The following ZNRF3 variants were observed in gnomAD, a reference collection of about 807,000 sequenced individuals.
ZNRF3 encodes the protein zinc and ring finger 3.
In ZNRF3, 23 loss-of-function variants were observed where a neutral mutation model predicts 72.5. The observed-to-expected ratio is 0.32, with a 90% CI of 0.23 to 0.45. The LOEUF (loss-of-function observed/expected upper bound fraction) is 0.45, where lower values mean the gene tolerates loss of function less well. ZNRF3 is among the 20% of genes least tolerant of loss of function. The probability of loss-of-function intolerance (pLI) is 1.00; values close to 1 mark genes in which losing one functional copy is unlikely to be tolerated. For missense variants in ZNRF3, 1,169 were observed against 1,272.1 expected (o/e 0.92, Z 1.23); for synonymous variants, 610 against 545.3 (o/e 1.12, Z -1.65).
At chr22:29,031,028 C>T (rs532478445) in intron 2 of ZNRF3, 54 of 153,182 alleles carry the variant, frequency 3.5e-4, no homozygotes, top group Admixed American at 7.2e-4. Context: ...CCCGCCTGGC[C>T]GCCCTGGCCT....
rs148388697 is a variant in ZNRF3, at chr22:28,947,047, A to G, written c.301-40029A>G. Among the ~76,000 whole-genome samples, 28 of 152,308 alleles carry G rather than the reference A, an allele frequency of 1.8e-4. 1 individual carries two copies. The highest frequency in any genetic ancestry group is 7.2e-5 in the African/African-American group (3 of 41,572). The stretch of plus-strand genomic sequence containing the variant: ...GGTAAAACTAGAATGCTGCACTTCT[A>G]TTGGGCTCATCATTTGGGAGAGACT... On this transcript the variant is annotated intron_variant, in intron 1 of 8. Transcript: ENST00000544604.
rs756328029 is a variant in ZNRF3, at chr22:29,049,675, C to G, written c.1494C>G (p.Ala498=). The G allele has an allele frequency of 6.2e-7, 1 of 1,608,600 alleles. No individual in the cohort carries two copies. Among genetic ancestry groups the G allele is most frequent in the African/African-American group, 1.3e-5 (1 of 74,906 alleles). The change falls in exon 8 of 9, where the codon GCC becomes GCG. Residue 498 remains alanine, a synonymous_variant. Coordinates refer to ENST00000544604, the MANE Select transcript of ZNRF3 (RefSeq NM_001206998.2). The surrounding 1 kb of genome is among the most constrained non-coding windows in gnomAD (Gnocchi z 5.2). ...PSLAPRGPAR[A]FPPSGSGSLL... ...TCGCACCCCGGGGCCCGGCCCGTGC[C>G]TTTCCTCCGAGCGGCAGTGGCAGCC...
intron 2 of ZNRF3, chr22:29,025,814 G>C (rs1214134109): frequency 2.6e-5 from 4 of 152,256 alleles, no homozygotes; most frequent in African/African-American, 4.8e-5. Flanking sequence ...GAGCCACCGC[G>C]TCCAGCCTCT....
rs139430 is a variant in ZNRF3, at chr22:28,894,338, C to CTT, written c.300+10286_300+10287dup. Among the ~76,000 whole-genome samples the CTT allele has an allele frequency of 1.1e-3, 151 of 139,360 alleles. 2 individuals are homozygous for CTT. The highest frequency in any genetic ancestry group is 5.2e-3 in the East Asian group (25 of 4,822). 91.4% of individuals were successfully genotyped at this position (139,360 alleles called of 152,430 possible). A position where few individuals can be genotyped will look rare whatever the true frequency, so the allele number is the denominator to read the frequency against. On this transcript the variant is annotated intron_variant, in intron 1 of 8. Coordinates refer to ENST00000544604, the MANE Select transcript of ZNRF3 (RefSeq NM_001206998.2). ...CATTTAGTAAATAGTAAAATACTGG[C>CTT]TTTTTTTTTTTTTTTGTCTGCCATA...
At chr22:29,052,303 C>T (rs538280829) in intron 8 of ZNRF3, among the ~76,000 whole-genome samples, 1 of 152,332 alleles carries the variant, frequency 6.6e-6, no homozygotes, top group South Asian at 2.1e-4. Flanking sequence ...CTGGTCTTGC[C>T]TTCTATTCCA....
intron 2 of ZNRF3, among the ~76,000 whole-genome samples, chr22:29,038,533 A>G (rs1441419403): frequency 6.6e-6 from 1 of 151,878 alleles, no homozygotes; most frequent in Non-Finnish European, 1.5e-5. Context: ...GTCTTGCTAT[A>G]TTGCCCAGGC....
At chr22:28,913,616 A>G (rs2034357503) in intron 1 of ZNRF3, among the ~76,000 whole-genome samples, 1 of 152,084 alleles carries the variant, frequency 6.6e-6, no homozygotes, top group South Asian at 2.1e-4. Context: ...TTCAGCTTAG[A>G]TTTGTGGTCT....
rs1000763965 is a variant in ZNRF3, at chr22:28,990,766, T to G, written c.426+3565T>G. Among the ~76,000 whole-genome samples, 23 of 152,194 alleles carry G rather than the reference T, an allele frequency of 1.5e-4. 1 individual carries two copies. The highest frequency in any genetic ancestry group is 5.9e-5 in the Non-Finnish European group (4 of 68,042). ...GTCTATGTTTATGTCCCGGGCATCT[T>G]AACCCTCCAATTCAATCAGTGTTTA... On this transcript the variant is annotated intron_variant, in intron 2 of 8. Transcript: ENST00000544604.
intron 2 of ZNRF3, among the ~76,000 whole-genome samples, chr22:29,001,890 G>T: frequency 6.6e-6 from 1 of 152,134 alleles, no homozygotes; most frequent in East Asian, 1.9e-4. Flanking sequence ...TTTGCCAGTT[G>T]TCCTTACTGT....
At chr22:28,921,085 AT>A (rs2034503821) in intron 1 of ZNRF3, among the ~76,000 whole-genome samples, 1 of 152,200 alleles carries the variant, frequency 6.6e-6, no homozygotes, top group Non-Finnish European at 1.5e-5. Flanking sequence ...GAGGGCTGTC[AT>A]TTGCAAACAG....
At chr22:29,021,182 C>G (rs972317521) in intron 2 of ZNRF3, among the ~76,000 whole-genome samples, 6 of 151,770 alleles carry the variant, frequency 4.0e-5, no homozygotes, top group African/African-American at 1.2e-4. Flanking sequence ...TGCAATGAGC[C>G]AAGGTTGTGC....
chr22:29,008,135 A>G (rs1238868566), intron 2 of ZNRF3, among the ~76,000 whole-genome samples: 1 of 152,204 alleles, frequency 6.6e-6, no homozygotes, highest in African/African-American at 2.4e-5. Flanking sequence ...GAGGAAGGAA[A>G]TAAGAGAGGG....
At chr22:28,964,166 A>G (rs1218031304) in intron 1 of ZNRF3, among the ~76,000 whole-genome samples, 2 of 152,186 alleles carry the variant, frequency 1.3e-5, no homozygotes, top group African/African-American at 4.8e-5. Context: ...GCAACCGACT[A>G]AAGAAACCAG....
intron 1 of ZNRF3, among the ~76,000 whole-genome samples, chr22:28,939,844 A>G (rs1218859122): frequency 6.6e-6 from 1 of 152,058 alleles, no homozygotes; most frequent in Non-Finnish European, 1.5e-5. Flanking sequence ...TCTTCCAACC[A>G]TCCTTCCCCC....
In ZNRF3 at chr22:29,048,348, G is replaced by A. The variant is rs187269456; in HGVS notation, c.913-41G>A. ...GGACTCTGCAGGAGGACACACCTGC[G>A]AGGCTGAAGGCAGACTTGTGTCCCC... On this transcript the variant is annotated intron_variant, in intron 6 of 8. Transcript: ENST00000544604. This position sits in a 1 kb window ranked among gnomAD's most constrained non-coding sequence, Gnocchi z 4.9. 1.6e-4 allele frequency: 257 copies of A among 1,575,574 alleles called. 2 individuals are homozygous for A. The Admixed American group carries it at 4.1e-3, about 25-fold the overall frequency.
At chr22:28,884,764 A>C (rs1041825969) in intron 1 of ZNRF3, among the ~76,000 whole-genome samples, 1 of 152,158 alleles carries the variant, frequency 6.6e-6, no homozygotes, top group Admixed American at 6.5e-5. Flanking sequence ...GGACCTGCAA[A>C]TGGGGAGATG....
chr22:29,043,476 A>G, intron 4 of ZNRF3, 46 bp downstream of exon 4: 2 of 1,606,062 alleles, frequency 1.2e-6, no homozygotes, highest in African/African-American at 1.3e-5. Context: ...CTTCTCTGCT[A>G]CTACCTGTCC....
At position 29,030,530 on chromosome 22, in the gene ZNRF3, G is replaced by C. The variant is rs749981810; in HGVS notation, c.427-11965G>C. Among the ~76,000 whole-genome samples, 1 of 152,188 alleles carries C rather than the reference G, an allele frequency of 6.6e-6. No homozygotes were observed. The highest frequency in any genetic ancestry group is 1.5e-5 in the Non-Finnish European group (1 of 68,044). On this transcript the variant is annotated intron_variant, in intron 2 of 8. Transcript: ENST00000544604. The surrounding 1 kb of genome is among the most constrained non-coding windows in gnomAD (Gnocchi z 4.2). ...CTTAAAATGCATCATCTTCGTTCCG[G>C]AACTCAGAACCTGCAGCCGACGGGA... is the stretch of plus-strand genomic sequence containing the variant.
At chr22:29,021,619 C>T (rs567154984) in intron 2 of ZNRF3, among the ~76,000 whole-genome samples, 17 of 152,064 alleles carry the variant, frequency 1.1e-4, no homozygotes, top group African/African-American at 3.6e-4. Context: ...TCCCAAGTAG[C>T]TGGGATTACA....
Sources: allele counts gnomAD v4.1 joint callset (sites outside exome capture counted in the v4.1 genomes callset), GRCh38; gene constraint gnomAD v4.1.1; non-coding constraint Gnocchi (gnomAD v3.1); transcripts MANE v1.5; gene names NCBI Gene and HGNC (gene_info 2026-07-23, HGNC 2026-07-21).